LUC7L3: variants seen among roughly 807,000 people sequenced by gnomAD.
The protein encoded by LUC7L3 is luc7-like protein 3.
In LUC7L3, 6 loss-of-function variants were observed where a neutral mutation model predicts 66.8. The ratio of observed to expected loss-of-function variants is 0.09; its 90% CI spans 0.05 to 0.18. The LOEUF is 0.18. Among genes scored for constraint, LUC7L3 ranks in the 10% least tolerant of loss-of-function variants. LUC7L3 has a pLI of 1.00. For missense variants in LUC7L3, 341 were observed against 531.1 expected, an observed-to-expected ratio of 0.64 and a Z score of 3.52; for synonymous variants, 160 against 174.7, an observed-to-expected ratio of 0.92 and a Z score of 0.66.
chr17:50,744,577 C>A, intron 6 of LUC7L3, 75 bp from the exon 7 acceptor site: 1 of 1,359,774 alleles, frequency 7.4e-7, no homozygotes. Flanking sequence ...GAAATCTTTT[C>A]TAAATGTTGA....
chr17:50,740,651 C>T (rs1384727732), intron 3 of LUC7L3, among the ~76,000 whole-genome samples: 1 of 152,114 alleles, frequency 6.6e-6, no homozygotes, highest in Non-Finnish European at 1.5e-5. Flanking sequence ...CTCCGCCTCC[C>T]AGGTTCAAGG....
Position 50,752,124 on chromosome 17 carries a change from G to A in LUC7L3, c.*1463G>A. 8.7e-6 allele frequency: 11 copies of A among 1,269,940 alleles called. No individual in the cohort carries two copies. The highest frequency in any genetic ancestry group is 1.1e-5 in the Non-Finnish European group (11 of 980,662). 78.7% of individuals were successfully genotyped at this position (1,269,940 alleles called of 1,614,324 possible). A position where few individuals can be genotyped will look rare whatever the true frequency, so the allele number is the denominator to read the frequency against. On this transcript the variant is annotated 3_prime_UTR_variant, in exon 10 of 10. Coordinates refer to ENST00000505658, the MANE Select transcript of LUC7L3 (RefSeq NM_016424.5). ...CATGTTAATTAGCAGTTAGTGACTGGGCCAACACTTTCTCATAAAAATTGG... is the reference window on the plus strand; with the variant it reads ...CATGTTAATTAGCAGTTAGTGACTGAGCCAACACTTTCTCATAAAAATTGG...
chr17:50,733,244 CTTTG>C (rs1465854441), intron 1 of LUC7L3, among the ~76,000 whole-genome samples: 9 of 140,764 alleles, frequency 6.4e-5, no homozygotes, highest in Admixed American at 2.8e-4. Flanking sequence ...AATAGTAAAA[CTTTG>C]TTTTTTTTTT....
Position 50,754,060 on chromosome 17 carries a change from C to T in LUC7L3, c.*3399C>T, listed in dbSNP as rs1043495614. On this transcript the variant is annotated 3_prime_UTR_variant, in exon 10 of 10. Transcript: ENST00000505658. ...GAACTGATTGTTGCTAACCAGCTCA[C>T]AAGAATCCAGTATTGAGACCAGTTC... 4 of 152,094 alleles carry T rather than the reference C, an allele frequency of 2.6e-5. No homozygotes were observed. The highest frequency in any genetic ancestry group is 5.9e-5 in the Non-Finnish European group (4 of 67,998). The allele number at this position is 152,094 out of a possible 1,614,324, so 9.4% of individuals were successfully genotyped here.
At chr17:50,750,026 A>G (rs570605196) in intron 9 of LUC7L3, among the ~76,000 whole-genome samples, 9 of 152,330 alleles carry the variant, frequency 5.9e-5, no homozygotes, top group Non-Finnish European at 1.2e-4. Context: ...ATATATATAA[A>G]AATAATGTTT....
chr17:50,739,620 C>T (rs1486554298), intron 2 of LUC7L3, among the ~76,000 whole-genome samples: 2 of 151,540 alleles, frequency 1.3e-5, no homozygotes, highest in Non-Finnish European at 2.9e-5. Flanking sequence ...CGCCGCTGCA[C>T]TCCGGCCTGG....
intron 1 of LUC7L3, among the ~76,000 whole-genome samples, chr17:50,731,024 TTATG>T (rs149241543): frequency 0.084 from 12,830 of 152,242 alleles, 689 homozygotes; most frequent in Middle Eastern, 0.16. Flanking sequence ...TAAGTTATGA[TTATG>T]TAGGTATTTA....
chr17:50,753,838 T>G lies in LUC7L3; in HGVS notation c.*3177T>G, dbSNP rs889163772. ...CAACGTCTAACTAACTTAAATGAAGTATAATAAATGAGTTCATATGAAAAG... is the reference window on the plus strand; with the variant it reads ...CAACGTCTAACTAACTTAAATGAAGGATAATAAATGAGTTCATATGAAAAG... On this transcript the variant is annotated 3_prime_UTR_variant, in exon 10 of 10. Transcript: ENST00000505658. 1 of 152,182 alleles carries G rather than the reference T, an allele frequency of 6.6e-6. No homozygotes were observed. The highest frequency in any genetic ancestry group is 2.4e-5 in the African/African-American group (1 of 41,440). 9.4% of individuals were successfully genotyped at this position (152,182 alleles called of 1,614,324 possible).
chr17:50,748,725 TAAG>T (rs1199171644), intron 9 of LUC7L3, among the ~76,000 whole-genome samples: 3 of 152,148 alleles, frequency 2.0e-5, no homozygotes, highest in Non-Finnish European at 4.4e-5. Flanking sequence ...GAGAAGTTAC[TAAG>T]AAAACTGTAT....
chr17:50,746,417 T>C, intron 8 of LUC7L3, 125 bp from the exon 9 acceptor site: 5 of 837,436 alleles, frequency 6.0e-6, no homozygotes, highest in Non-Finnish European at 9.4e-6. Flanking sequence ...GTTCTTAAGA[T>C]TTCTAATGTA....
In LUC7L3 at chr17:50,755,444, T is replaced by A. The variant is rs1441312889; in HGVS notation, c.*4783T>A. 1 of 152,260 alleles carries A rather than the reference T, an allele frequency of 6.6e-6. No homozygotes were observed. The highest frequency in any genetic ancestry group is 6.5e-5 in the Admixed American group (1 of 15,294). The allele number at this position is 152,260 out of a possible 1,614,324, so 9.4% of individuals were successfully genotyped here. On this transcript the variant is annotated 3_prime_UTR_variant, in exon 10 of 10. Coordinates refer to ENST00000505658, the MANE Select transcript of LUC7L3 (RefSeq NM_016424.5). Reference sequence around the variant, plus strand: ...ATTTTGAGATAAAGGAGAGCACTTTTAAGTTGAACCTGTAGTTTTAAAAAG... The same window carrying A: ...ATTTTGAGATAAAGGAGAGCACTTTAAAGTTGAACCTGTAGTTTTAAAAAG...
rs1380686619 is a variant in LUC7L3, at chr17:50,755,970, T to A, written c.*5309T>A. ...CAAGTCACAGAAGAATACATCACTATGGTTCCATTTCAATGAAAGTCAAAA... is the reference window on the plus strand; with the variant it reads ...CAAGTCACAGAAGAATACATCACTAAGGTTCCATTTCAATGAAAGTCAAAA... On this transcript the variant is annotated 3_prime_UTR_variant, in exon 10 of 10. Transcript: ENST00000505658. The A allele has an allele frequency of 1.3e-5, 2 of 152,184 alleles. No individual in the cohort carries two copies. The highest frequency in any genetic ancestry group is 4.8e-5 in the African/African-American group (2 of 41,444). 9.4% of individuals were successfully genotyped at this position (152,184 alleles called of 1,614,324 possible).
intron 1 of LUC7L3, among the ~76,000 whole-genome samples, chr17:50,724,382 G>A (rs533183980): frequency 7.9e-5 from 12 of 152,142 alleles, no homozygotes; most frequent in South Asian, 6.2e-4. Context: ...TTAGCTGGGC[G>A]TAGTGGTGCA....
chr17:50,751,506 T>C lies in LUC7L3; in HGVS notation c.*845T>C, dbSNP rs1050869456. 20 of 1,182,314 alleles carry C rather than the reference T, an allele frequency of 1.7e-5. No individual in the cohort carries two copies. In the African/African-American group the frequency reaches 2.3e-4, roughly 13 times the overall value. 73.2% of individuals were successfully genotyped at this position (1,182,314 alleles called of 1,614,324 possible). ...TTTTTGTGTATTGCGTGAAAACTTA[T>C]AAAACAAATGTTAACAGAATGGAAT... On this transcript the variant is annotated 3_prime_UTR_variant, in exon 10 of 10. Transcript: ENST00000505658.
At chr17:50,720,205 T>G (rs1968651617) in intron 1 of LUC7L3, among the ~76,000 whole-genome samples, 1 of 152,232 alleles carries the variant, frequency 6.6e-6, no homozygotes, top group Non-Finnish European at 1.5e-5. Context: ...ACGTCGTATT[T>G]AGACTAAAAT....
At chr17:50,725,875 A>G (rs1278812830) in intron 1 of LUC7L3, among the ~76,000 whole-genome samples, 2 of 152,252 alleles carry the variant, frequency 1.3e-5, no homozygotes, top group Non-Finnish European at 2.9e-5. Context: ...TTATGCACAC[A>G]GTACATGGTG....
chr17:50,751,126 T>G lies in LUC7L3; in HGVS notation c.*465T>G. 2 of 1,460,998 alleles carry G rather than the reference T, an allele frequency of 1.4e-6. No individual in the cohort carries two copies. The highest frequency in any genetic ancestry group is 1.8e-6 in the Non-Finnish European group (2 of 1,114,088). The allele number at this position is 1,460,998 out of a possible 1,614,324, so 90.5% of individuals were successfully genotyped here. A position where few individuals can be genotyped will look rare whatever the true frequency, so the allele number is the denominator to read the frequency against. The stretch of plus-strand genomic sequence containing the variant: ...ATTTCGGAGGCACATGTTGGACTAC[T>G]TTGTTTTAATTAAACTGCTAGTATT... On this transcript the variant is annotated 3_prime_UTR_variant, in exon 10 of 10. Transcript: ENST00000505658.
intron 5 of LUC7L3, 133 bp downstream of exon 5, chr17:50,741,864 T>C: frequency 1.6e-6 from 1 of 625,994 alleles, no homozygotes; most frequent in South Asian, 2.2e-5. Context: ...GCGGGAGGAT[T>C]GCTTGAGCCG....
At chr17:50,736,845 A>T (rs998244982) in intron 1 of LUC7L3, 115 bp from the exon 2 acceptor site, 24 of 660,348 alleles carry the variant, frequency 3.6e-5, no homozygotes, top group African/African-American at 3.3e-4. Context: ...TGAAATTCTT[A>T]CATTGGTTGA....
Sources: gnomAD v4.1 joint callset for allele counts (sites outside exome capture counted in the v4.1 genomes callset) on GRCh38, gnomAD v4.1.1 for gene constraint, MANE v1.5 for transcripts, NCBI Gene and HGNC (gene_info 2026-07-23, HGNC 2026-07-21) for gene names.